The following MAN1C1 variants were observed in gnomAD, a reference collection of about 807,000 sequenced individuals.
MAN1C1 encodes the protein mannosyl-oligosaccharide 1,2-alpha-mannosidase IC.
In MAN1C1, 49 loss-of-function variants were observed where a neutral mutation model predicts 71.5. That is an observed-to-expected ratio of 0.69 (90% CI 0.54 to 0.87). The LOEUF is 0.87. Among genes scored for constraint, MAN1C1 ranks in the 40% least tolerant of loss-of-function variants. MAN1C1 has a pLI of 0.00. For synonymous variants in MAN1C1, 352 were observed against 343.7 expected (o/e 1.02, Z -0.27); for missense variants, 743 against 835.0 (o/e 0.89, Z 1.36).
intron 1 of MAN1C1, among the ~76,000 whole-genome samples, chr1:25,677,734 G>A (rs2046089654): frequency 6.7e-6 from 1 of 150,244 alleles, no homozygotes; most frequent in Admixed American, 6.7e-5. Flanking sequence ...AATAGATGAT[G>A]TTTCTGGTCT....
chr1:25,665,086 G>A (rs950031869), intron 1 of MAN1C1, among the ~76,000 whole-genome samples: 1 of 152,088 alleles, frequency 6.6e-6, no homozygotes, highest in Non-Finnish European at 1.5e-5. Context: ...GTGTAGAAAC[G>A]GTTTCTGACA....
At chr1:25,679,853 A>G (rs1355251016) in intron 1 of MAN1C1, among the ~76,000 whole-genome samples, 2 of 137,634 alleles carry the variant, frequency 1.5e-5, no homozygotes, top group East Asian at 4.1e-4. Context: ...AAAGAATGAC[A>G]TTTTTCTTTT....
chr1:25,720,843 G>A (rs2046753100), intron 2 of MAN1C1, among the ~76,000 whole-genome samples: 1 of 152,100 alleles, frequency 6.6e-6, no homozygotes, highest in African/African-American at 2.4e-5. Flanking sequence ...AGTTTATTTG[G>A]GGTTGTGGTG....
At chr1:25,698,385 G>A (rs2046393774) in intron 2 of MAN1C1, among the ~76,000 whole-genome samples, 1 of 152,190 alleles carries the variant, frequency 6.6e-6, no homozygotes, top group Admixed American at 6.5e-5. Context: ...CTGTAGAATG[G>A]GGATGATAAT....
chr1:25,705,504 G>A (rs1427780297), intron 2 of MAN1C1, among the ~76,000 whole-genome samples: 1 of 152,188 alleles, frequency 6.6e-6, no homozygotes, highest in African/African-American at 2.4e-5. Context: ...CTGATTTTGG[G>A]CCAATCTAAG....
At chr1:25,646,671 G>T (rs2045619321) in intron 1 of MAN1C1, among the ~76,000 whole-genome samples, 1 of 152,156 alleles carries the variant, frequency 6.6e-6, no homozygotes, top group African/African-American at 2.4e-5. Flanking sequence ...TTCTATTCTG[G>T]ATTCTTTATA....
chr1:25,661,083 G>GT (rs34138700), intron 1 of MAN1C1, among the ~76,000 whole-genome samples: 34,706 of 149,174 alleles, frequency 0.23, 3,986 homozygotes, highest in East Asian at 0.37. Context: ...ATGAAATTCT[G>GT]TTTTTTTTTT....
chr1:25,691,752 T>G (rs72875627), intron 2 of MAN1C1, among the ~76,000 whole-genome samples: 10,767 of 152,208 alleles, frequency 0.071, 1,246 homozygotes, highest in African/African-American at 0.24. Flanking sequence ...GAGCCAATCA[T>G]TGGTAGGCTG....
chr1:25,667,472 G>A (rs1397028355), intron 1 of MAN1C1, among the ~76,000 whole-genome samples: 2 of 122,606 alleles, frequency 1.6e-5, no homozygotes, highest in African/African-American at 7.1e-5. Context: ...GCGATGGAGT[G>A]AGACTCCATC....
intron 2 of MAN1C1, among the ~76,000 whole-genome samples, chr1:25,706,801 C>T (rs2046529735): frequency 6.6e-6 from 1 of 152,238 alleles, no homozygotes; most frequent in African/African-American, 2.4e-5. Flanking sequence ...GAGCCCTCCT[C>T]TCATGACCCT....
intron 6 of MAN1C1, among the ~76,000 whole-genome samples, chr1:25,762,513 T>G (rs939693570): frequency 1.3e-4 from 19 of 151,758 alleles, no homozygotes; most frequent in African/African-American, 3.6e-4. Context: ...CTGCAACCTC[T>G]ACCTTCAGGT....
Position 25,782,499 on chromosome 1 carries a change from C to T in MAN1C1, c.1651-86C>T, listed in dbSNP as rs1291461242. ...GGGTGCTGTCTGCTTTCTTCTAGCT[C>T]CAGCCTGCCAGGCATGCACAAGTCT... On this transcript the variant is annotated intron_variant, in intron 10 of 11. Coordinates refer to ENST00000374332, the MANE Select transcript of MAN1C1 (RefSeq NM_020379.4). This position sits in a 1 kb window ranked among gnomAD's most constrained non-coding sequence, Gnocchi z 4.4. 1.2e-6 allele frequency: 1 copy of T among 860,682 alleles called. No individual in the cohort carries two copies. Among genetic ancestry groups the T allele is most frequent in the Non-Finnish European group, 1.9e-6 (1 of 518,724 alleles). 53.3% of individuals were successfully genotyped at this position (860,682 alleles called of 1,614,324 possible).
intron 1 of MAN1C1, among the ~76,000 whole-genome samples, chr1:25,655,239 G>A (rs2045748229): frequency 6.6e-6 from 1 of 152,092 alleles, no homozygotes; most frequent in Non-Finnish European, 1.5e-5. Flanking sequence ...CAAAATGTGG[G>A]GATAAAACTC....
rs2045427445 is a variant in MAN1C1 at position 25,634,448 on chromosome 1, C to T, written c.540+16111C>T. Among the ~76,000 whole-genome samples the T allele has an allele frequency of 2.0e-5, 3 of 152,176 alleles. No homozygotes were observed. The highest frequency in any genetic ancestry group is 1.3e-4 in the Admixed American group (2 of 15,270). On this transcript the variant is annotated intron_variant, in intron 1 of 11. Transcript: ENST00000374332. This position sits in a 1 kb window ranked among gnomAD's most constrained non-coding sequence, Gnocchi z 4.6. ...TATCTGTATTGGGATTAAATTTTGT[C>T]ACATGCTTTTTCTGCATCTATGGAG...
intron 1 of MAN1C1, among the ~76,000 whole-genome samples, chr1:25,627,108 T>C (rs1026145425): frequency 1.3e-5 from 2 of 152,236 alleles, no homozygotes; most frequent in African/African-American, 4.8e-5. Flanking sequence ...TGTCCAGTTG[T>C]TTATCACTAT....
At chr1:25,751,079 G>A (rs10454463) in intron 4 of MAN1C1, among the ~76,000 whole-genome samples, 12,240 of 135,568 alleles carry the variant, frequency 0.09, 577 homozygotes, top group African/African-American at 0.14. Context: ...TCCCTCCCCC[G>A]TTTCCATCCA....
At chr1:25,637,161 AAAATT>A (rs1469340367) in intron 1 of MAN1C1, among the ~76,000 whole-genome samples, 1 of 146,114 alleles carries the variant, frequency 6.8e-6, no homozygotes, top group Non-Finnish European at 1.5e-5. Flanking sequence ...CTCAAAAAAA[AAAATT>A]AAATTAAAAA....
chr1:25,636,566 C>A (rs187053400), intron 1 of MAN1C1, among the ~76,000 whole-genome samples: 1 of 152,294 alleles, frequency 6.6e-6, no homozygotes, highest in African/African-American at 2.4e-5. Flanking sequence ...GTTGTCTTCC[C>A]TTGTTCCCTG....
chr1:25,779,273 C>G lies in MAN1C1; in HGVS notation c.1477+949C>G, dbSNP rs2047661724. 1.3e-5 allele frequency among the ~76,000 whole-genome samples: 2 copies of G among 151,554 alleles called. No homozygotes were observed. The highest frequency in any genetic ancestry group is 4.8e-5 in the African/African-American group (2 of 41,252). ...AGGCCAGATGGGCAGCCTCTGTTTTCTTATCTGTTCGATGGGAATCATGAC... is the reference window on the plus strand; with the variant it reads ...AGGCCAGATGGGCAGCCTCTGTTTTGTTATCTGTTCGATGGGAATCATGAC... On this transcript the variant is annotated intron_variant, in intron 9 of 11. Coordinates refer to ENST00000374332, the MANE Select transcript of MAN1C1 (RefSeq NM_020379.4). This position sits in a 1 kb window ranked among gnomAD's most constrained non-coding sequence, Gnocchi z 4.6.
Sources: gnomAD v4.1 joint callset for allele counts (sites outside exome capture counted in the v4.1 genomes callset) on GRCh38, gnomAD v4.1.1 for gene constraint, Gnocchi (gnomAD v3.1) non-coding constraint, MANE v1.5 for transcripts, NCBI Gene and HGNC (gene_info 2026-07-23, HGNC 2026-07-21) for gene names.